Variants in SPATA6 observed in about 807,000 individuals in gnomAD.
The protein encoded by SPATA6 is spermatogenesis associated 6, also known as spermatogenesis-associated protein 6.
Under a neutral mutation model 65.3 loss-of-function variants are expected in SPATA6, and 56 were observed. The observed-to-expected ratio is 0.86, with a 90% CI of 0.69 to 1.07. The LOEUF (loss-of-function observed/expected upper bound fraction) is 1.07. SPATA6 is among the 50% of genes least tolerant of loss of function. The pLI, the probability that SPATA6 is intolerant of heterozygous loss-of-function variation, is 0.00. For missense variants in SPATA6, 590 were observed against 594.8 expected, an observed-to-expected ratio of 0.99 and a Z score of 0.08; for synonymous variants, 199 against 213.2, an observed-to-expected ratio of 0.93 and a Z score of 0.58.
chr1:48,448,275 AG>A (rs1012210400), intron 3 of SPATA6, among the ~76,000 whole-genome samples: 11 of 150,326 alleles, frequency 7.3e-5, no homozygotes, highest in Non-Finnish European at 1.0e-4. Flanking sequence ...AAAAAAAAAA[AG>A]GAGAAGCTGA....
intron 11 of SPATA6, among the ~76,000 whole-genome samples, chr1:48,333,271 GT>G (rs1279281244): frequency 6.6e-6 from 1 of 152,168 alleles, no homozygotes; most frequent in Non-Finnish European, 1.5e-5. Context: ...CATGCTTCCT[GT>G]CCTCAAACAT....
chr1:48,353,553 T>C (rs555456442), intron 11 of SPATA6, among the ~76,000 whole-genome samples: 23 of 151,960 alleles, frequency 1.5e-4, no homozygotes, highest in African/African-American at 5.3e-4. Flanking sequence ...GCTGTAGCTA[T>C]ACTAATATCA....
intron 11 of SPATA6, among the ~76,000 whole-genome samples, chr1:48,315,491 C>CG (rs1645382997): frequency 6.6e-6 from 1 of 152,086 alleles, no homozygotes; most frequent in South Asian, 2.1e-4. Flanking sequence ...AATTCAACAA[C>CG]CTTCATGCTA....
At chr1:48,301,292 GA>G (rs139495233) in intron 12 of SPATA6, among the ~76,000 whole-genome samples, 16 of 138,504 alleles carry the variant, frequency 1.2e-4, no homozygotes, top group Admixed American at 2.2e-4. Context: ...AATACTAAAA[GA>G]AAAAAAAAAG....
At chr1:48,310,356 T>C (rs1009153729) in intron 11 of SPATA6, among the ~76,000 whole-genome samples, 1 of 152,152 alleles carries the variant, frequency 6.6e-6, no homozygotes, top group Non-Finnish European at 1.5e-5. Context: ...TGCCAAAATT[T>C]TGGTTTTCAC....
At chr1:48,357,759 G>A (rs1474001455) in intron 10 of SPATA6, among the ~76,000 whole-genome samples, 1 of 152,068 alleles carries the variant, frequency 6.6e-6, no homozygotes, top group Non-Finnish European at 1.5e-5. Flanking sequence ...TTTGTTCCCA[G>A]TAGTACGTCT....
intron 11 of SPATA6, among the ~76,000 whole-genome samples, chr1:48,345,558 T>C (rs1570228545): frequency 6.6e-6 from 1 of 152,038 alleles, no homozygotes; most frequent in East Asian, 1.9e-4. Flanking sequence ...ATCCAGGAGC[T>C]GTTTTTCTGA....
intron 3 of SPATA6, among the ~76,000 whole-genome samples, chr1:48,429,134 A>C (rs1283599266): frequency 7.0e-6 from 1 of 142,656 alleles, no homozygotes; most frequent in Non-Finnish European, 1.5e-5. Context: ...CAGGATGGGC[A>C]AAAAAAAAAA....
intron 9 of SPATA6, among the ~76,000 whole-genome samples, chr1:48,365,274 C>T (rs12354116): frequency 0.13 from 20,516 of 151,992 alleles, 1,814 homozygotes; most frequent in South Asian, 0.22. Flanking sequence ...ATTGACTTGG[C>T]GATGCGGGCT....
chr1:48,471,595 T>A (rs962994871), intron 1 of SPATA6, among the ~76,000 whole-genome samples: 9 of 152,128 alleles, frequency 5.9e-5, no homozygotes, highest in Admixed American at 5.2e-4. Flanking sequence ...AATAATTCTC[T>A]AAGAGAACTG....
At chr1:48,448,223 T>C (rs925083938) in intron 3 of SPATA6, among the ~76,000 whole-genome samples, 1 of 149,500 alleles carries the variant, frequency 6.7e-6, no homozygotes, top group Admixed American at 6.7e-5. Flanking sequence ...TTCATGCTAC[T>C]GTACTCCAGC....
At chr1:48,349,764 AT>A (rs977415533) in intron 11 of SPATA6, among the ~76,000 whole-genome samples, 6 of 151,910 alleles carry the variant, frequency 3.9e-5, no homozygotes, top group African/African-American at 1.4e-4. Context: ...CTTAAGCTGT[AT>A]TTAAGATTCA....
Position 48,403,804 on chromosome 1 carries a change from G to A in SPATA6, c.484C>T (p.Gln162Ter), listed in dbSNP as rs762409588. 1.2e-6 allele frequency: 2 copies of A among 1,600,830 alleles called. No homozygotes were observed. The highest frequency in any genetic ancestry group is 1.8e-4 in the Middle Eastern group (1 of 5,604). ...TACTTTATACAAATAATTTTAACCT[G>A]AGTGTGGCATTTCCTTGAACTTATC... The part of the protein sequence containing the change: ...CLISSRKCHT[Q>*]DKFIYHLAPV... The change falls in exon 6 of 13, where the codon CAG becomes TAG. Residue 162 changes from glutamine to a stop codon, truncating the protein, a stop_gained and splice_region_variant. Transcript: ENST00000371847. LOFTEE classifies it high-confidence loss of function.
the SPATA6 span, among the ~76,000 whole-genome samples, chr1:48,264,206 T>C: frequency 6.6e-6 from 1 of 152,068 alleles, no homozygotes; most frequent in African/African-American, 2.4e-5. Context: ...ATTATGAAAA[T>C]GGAAACCCAT....
chr1:48,363,553 GAT>G (rs578206380), intron 9 of SPATA6, among the ~76,000 whole-genome samples: 156 of 152,140 alleles, frequency 1.0e-3, no homozygotes, highest in African/African-American at 3.7e-3. Context: ...GGCTCATAAA[GAT>G]AATTTTCTTC....
At chr1:48,378,989 T>C (rs950157264) in intron 9 of SPATA6, among the ~76,000 whole-genome samples, 1 of 152,196 alleles carries the variant, frequency 6.6e-6, no homozygotes, top group African/African-American at 2.4e-5. Flanking sequence ...TTAAATAAGA[T>C]AGGCACAGAA....
At chr1:48,356,305 A>C (rs1004704275) in intron 10 of SPATA6, among the ~76,000 whole-genome samples, 1 of 152,016 alleles carries the variant, frequency 6.6e-6, no homozygotes, top group Non-Finnish European at 1.5e-5. Context: ...ATATGAAAGA[A>C]GAAACAAAGC....
chr1:48,441,781 C>T (rs1213685964), intron 3 of SPATA6, among the ~76,000 whole-genome samples: 1 of 152,076 alleles, frequency 6.6e-6, no homozygotes. Context: ...GTAGTTGCAG[C>T]GGTGGCCGTC....
At chr1:48,450,218 G>T (rs1238670123) in intron 3 of SPATA6, among the ~76,000 whole-genome samples, 5 of 151,172 alleles carry the variant, frequency 3.3e-5, no homozygotes, top group Non-Finnish European at 7.4e-5. Context: ...CATAAACAAA[G>T]TATAAAAAGA....
Sources: allele counts gnomAD v4.1 joint callset (sites outside exome capture counted in the v4.1 genomes callset), GRCh38; gene constraint gnomAD v4.1.1; transcripts MANE v1.5; gene names NCBI Gene and HGNC (gene_info 2026-07-23, HGNC 2026-07-21).